Variants in SHANK2 observed in about 807,000 individuals in gnomAD.
SHANK2 encodes the protein SH3 and multiple ankyrin repeat domains protein 2.
Under a neutral mutation model 133.7 loss-of-function variants are expected in SHANK2, and 43 were observed. The ratio of observed to expected loss-of-function variants is 0.32; its 90% CI spans 0.25 to 0.41. The LOEUF (loss-of-function observed/expected upper bound fraction) is 0.41, where lower values mean the gene tolerates loss of function less well. SHANK2 is among the 10% of genes least tolerant of loss of function. The pLI is 1.00. For synonymous variants in SHANK2, 1,017 were observed against 952.8 expected (o/e 1.07, Z -1.24); for missense variants, 1,994 against 2,235.8 (o/e 0.89, Z 2.18).
rs568358849 is a variant in SHANK2 at position 70,535,430 on chromosome 11, A to C, written c.2062-32499T>G. ...TTATCCATCATCCATCCATCCATCC[A>C]TCTGCCATCATCCATCAGTCCAACC... On this transcript the variant is annotated intron_variant, in intron 17 of 25. Transcript: ENST00000601538. This position sits in a 1 kb window ranked among gnomAD's most constrained non-coding sequence, Gnocchi z 4.3. Among the ~76,000 whole-genome samples, 125 of 152,002 alleles carry C rather than the reference A, an allele frequency of 8.2e-4. 1 individual carries two copies. Among genetic ancestry groups the C allele is most frequent in the African/African-American group, 2.9e-3 (121 of 41,432 alleles).
intron 9 of SHANK2, among the ~76,000 whole-genome samples, chr11:71,074,056 T>C (rs1951186287): frequency 6.6e-6 from 1 of 152,208 alleles, no homozygotes; most frequent in South Asian, 2.1e-4. Flanking sequence ...AGCCCAGTTC[T>C]GGCACCAGCT....
chr11:71,184,481 A>C (rs1953632503), intron 2 of SHANK2, among the ~76,000 whole-genome samples: 1 of 152,122 alleles, frequency 6.6e-6, no homozygotes, highest in Non-Finnish European at 1.5e-5. Flanking sequence ...CTGATGGTTC[A>C]ACAATACTGA....
At chr11:70,940,155 T>TTTCC (rs113406010) in intron 10 of SHANK2, among the ~76,000 whole-genome samples, 15,699 of 119,672 alleles carry the variant, frequency 0.13, 1,190 homozygotes, top group African/African-American at 0.23. Context: ...AGAGAATCAA[T>TTTCC]TTCCTTCCTT....
At chr11:70,781,561 TATATA>T (rs1947493668) in intron 14 of SHANK2, among the ~76,000 whole-genome samples, 2 of 105,032 alleles carry the variant, frequency 1.9e-5, no homozygotes, top group African/African-American at 3.5e-5. Context: ...TTACTTATTA[TATATA>T]TATATATATA....
intron 17 of SHANK2, among the ~76,000 whole-genome samples, chr11:70,509,443 A>AG (rs36083046): frequency 2.0e-5 from 3 of 151,946 alleles, no homozygotes; most frequent in Admixed American, 2.0e-4. Flanking sequence ...TATCCCATTG[A>AG]GGGGGGGCTC....
intron 11 of SHANK2, among the ~76,000 whole-genome samples, chr11:70,822,808 G>T: frequency 8.1e-6 from 1 of 123,152 alleles, no homozygotes; most frequent in Non-Finnish European, 1.7e-5. Context: ...GCTCATAGGG[G>T]ACAGAGGTGG....
intron 1 of SHANK2, among the ~76,000 whole-genome samples, chr11:71,239,103 G>C (rs1422289416): frequency 6.6e-6 from 1 of 152,264 alleles, no homozygotes. Context: ...ATGACCGGGA[G>C]GGGCCGCCAG....
chr11:70,685,765 C>A (rs536070673), intron 15 of SHANK2, among the ~76,000 whole-genome samples: 1 of 152,182 alleles, frequency 6.6e-6, no homozygotes, highest in African/African-American at 2.4e-5. Flanking sequence ...CTCCTTGGCA[C>A]TGGGGACACA....
intron 17 of SHANK2, among the ~76,000 whole-genome samples, chr11:70,624,951 G>A (rs1297313266): frequency 4.6e-5 from 7 of 152,186 alleles, no homozygotes; most frequent in East Asian, 1.9e-4. Context: ...TGTACAGTTT[G>A]AGAGAACAGC....
chr11:70,951,443 TGTG>T (rs1950839503), intron 10 of SHANK2, among the ~76,000 whole-genome samples: 2 of 129,154 alleles, frequency 1.5e-5, no homozygotes, highest in African/African-American at 7.3e-5. Flanking sequence ...CTGGCTGCTG[TGTG>T]GTGATGTCAT....
At chr11:70,646,999 C>A (rs2061272787) in intron 17 of SHANK2, among the ~76,000 whole-genome samples, 1 of 151,890 alleles carries the variant, frequency 6.6e-6, no homozygotes, top group Admixed American at 6.6e-5. Flanking sequence ...GTAGCTGGTA[C>A]TACAGGTGTC....
chr11:70,814,186 T>C (rs1948338402), intron 12 of SHANK2, among the ~76,000 whole-genome samples: 1 of 152,098 alleles, frequency 6.6e-6, no homozygotes, highest in African/African-American at 2.4e-5. Context: ...TAGCTGAGTA[T>C]GGTGGAGCAT....
intron 17 of SHANK2, among the ~76,000 whole-genome samples, chr11:70,532,013 G>A (rs916193153): frequency 1.3e-5 from 2 of 152,154 alleles, no homozygotes; most frequent in African/African-American, 4.8e-5. Flanking sequence ...GGCTGGGTAC[G>A]GAGCTCTGAG....
At chr11:71,219,157 A>C (rs529476315) in intron 2 of SHANK2, among the ~76,000 whole-genome samples, 9 of 152,364 alleles carry the variant, frequency 5.9e-5, no homozygotes, top group African/African-American at 2.2e-4. Flanking sequence ...GCATGGTTCT[A>C]GGCAATGCGC....
chr11:70,910,830 AAT>A (rs1453906303), intron 10 of SHANK2, among the ~76,000 whole-genome samples: 1 of 151,898 alleles, frequency 6.6e-6, no homozygotes, highest in Admixed American at 6.6e-5. Context: ...AAGTTGAAAG[AAT>A]AGAGTGATGA....
chr11:70,509,857 G>C (rs118100457), intron 17 of SHANK2, among the ~76,000 whole-genome samples: 2 of 152,232 alleles, frequency 1.3e-5, no homozygotes, highest in South Asian at 2.1e-4. Context: ...TTGCCGGCCA[G>C]TGCCATGATC....
At chr11:71,153,778 C>CT (rs1952848819) in intron 2 of SHANK2, among the ~76,000 whole-genome samples, 1 of 152,030 alleles carries the variant, frequency 6.6e-6, no homozygotes, top group Non-Finnish European at 1.5e-5. Flanking sequence ...TGAGACCAGC[C>CT]GGTCAACATG....
chr11:71,131,068 C>A (rs1167030192), intron 3 of SHANK2, among the ~76,000 whole-genome samples: 12 of 152,252 alleles, frequency 7.9e-5, no homozygotes, highest in African/African-American at 2.7e-4. Flanking sequence ...CGGAAAGGTG[C>A]GCGCAGGCGT....
chr11:70,694,721 C>T (rs1305124462), intron 15 of SHANK2, among the ~76,000 whole-genome samples: 1 of 152,218 alleles, frequency 6.6e-6, no homozygotes, highest in African/African-American at 2.4e-5. Flanking sequence ...GTCAGCCTCT[C>T]ACTCCACACC....
Sources: allele counts gnomAD v4.1 joint callset (sites outside exome capture counted in the v4.1 genomes callset), GRCh38; gene constraint gnomAD v4.1.1; non-coding constraint Gnocchi (gnomAD v3.1); transcripts MANE v1.5; gene names NCBI Gene and HGNC (gene_info 2026-07-23, HGNC 2026-07-21).